Variants in CLSTN1 observed in about 807,000 individuals in gnomAD.
The protein encoded by CLSTN1 is calsyntenin 1.
CLSTN1 carries 28 observed loss-of-function variants against 108.3 expected under a neutral mutation model. The ratio of observed to expected loss-of-function variants is 0.26; its 90% CI spans 0.19 to 0.35. The LOEUF is 0.35. CLSTN1 is among the 10% of genes least tolerant of loss of function. The pLI is 1.00. For missense variants in CLSTN1, 1,157 were observed against 1,302.6 expected (o/e 0.89, Z 1.72); for synonymous variants, 524 against 534.9 (o/e 0.98, Z 0.28).
At chr1:9,813,660 G>C (rs1393782753) in intron 1 of CLSTN1, among the ~76,000 whole-genome samples, 3 of 152,142 alleles carry the variant, frequency 2.0e-5, no homozygotes, top group Non-Finnish European at 4.4e-5. Flanking sequence ...AGTGAGACTA[G>C]AGTCTGCATT....
At chr1:9,788,867 CAAAAAAAAAAAA>C (rs56093052) in intron 1 of CLSTN1, among the ~76,000 whole-genome samples, 5 of 76,278 alleles carry the variant, frequency 6.6e-5, no homozygotes, top group Non-Finnish European at 9.9e-5. Context: ...GACTCCGTCT[CAAAAAAAAAAAA>C]AAAAAAAAAC....
intron 1 of CLSTN1, among the ~76,000 whole-genome samples, chr1:9,784,172 CAA>C (rs34315931): frequency 3.5e-4 from 29 of 83,688 alleles, no homozygotes; most frequent in Non-Finnish European, 3.6e-4. Flanking sequence ...AACTCTATCT[CAA>C]AAAAAAAAAA....
At chr1:9,778,423 G>A (rs189422428) in intron 1 of CLSTN1, among the ~76,000 whole-genome samples, 60 of 152,246 alleles carry the variant, frequency 3.9e-4, no homozygotes, top group African/African-American at 1.4e-3. Flanking sequence ...TTCTCTCATG[G>A]AGAAGATAGC....
At position 9,794,068 on chromosome 1, in the gene CLSTN1, T is replaced by C. The variant is rs79563484; in HGVS notation, c.92-20674A>G. Among the ~76,000 whole-genome samples the C allele has an allele frequency of 6.8e-3, 1,029 of 151,564 alleles. 8 individuals carry two copies. Among genetic ancestry groups the C allele is most frequent in the Non-Finnish European group, 0.011 (740 of 68,024 alleles). On this transcript the variant is annotated intron_variant, in intron 1 of 18. Transcript: ENST00000377298. Reference sequence around the variant, plus strand: ...TAAACTAATTGGAGGGGGATGCTAATGACCGGTAATGACTTAAGGCACTCA... The same window carrying C: ...TAAACTAATTGGAGGGGGATGCTAACGACCGGTAATGACTTAAGGCACTCA...
Position 9,791,597 on chromosome 1 carries a change from C to G in CLSTN1, c.92-18203G>C, listed in dbSNP as rs573365575. Among the ~76,000 whole-genome samples the G allele has an allele frequency of 2.0e-5, 3 of 151,088 alleles. No homozygotes were observed. The East Asian group carries it at 6.1e-4, about 31-fold the overall frequency. ...CCCAGGCTGAAGCGCAGTGGCACAG[C>G]CTCAGCTCACTGCAACCTCCGCCTT... is the stretch of plus-strand genomic sequence containing the variant. On this transcript the variant is annotated intron_variant, in intron 1 of 18. Transcript: ENST00000377298.
intron 1 of CLSTN1, among the ~76,000 whole-genome samples, chr1:9,790,166 C>T (rs1328187927): frequency 6.6e-6 from 1 of 151,218 alleles, no homozygotes; most frequent in African/African-American, 2.4e-5. Context: ...CTCCGAATTC[C>T]GCTATGAAAG....
At chr1:9,780,043 T>C (rs562618656) in intron 1 of CLSTN1, among the ~76,000 whole-genome samples, 43 of 152,048 alleles carry the variant, frequency 2.8e-4, no homozygotes, top group African/African-American at 1.0e-3. Flanking sequence ...TAAGTAGAGA[T>C]GGGGTTTCAC....
chr1:9,751,510 G>A lies in CLSTN1; in HGVS notation c.612C>T (p.Ile204=). 1.2e-6 allele frequency: 2 copies of A among 1,614,160 alleles called. No individual in the cohort carries two copies. Among genetic ancestry groups the A allele is most frequent in the African/African-American group, 1.3e-5 (1 of 75,044 alleles). The change falls in exon 5 of 19, where the codon ATC becomes ATT. Residue 204 remains isoleucine (I), a synonymous_variant. Transcript: ENST00000377298. ...PQFSQICSYE[I]ITPDVPFTVD... ...CAGTAAAGGGCACGTCTGGAGTGAT[G>A]ATTTCGTAGCTGCAAATCTGGCTGA...
At chr1:9,792,619 G>C (rs1371980123) in intron 1 of CLSTN1, among the ~76,000 whole-genome samples, 1 of 151,420 alleles carries the variant, frequency 6.6e-6, no homozygotes, top group Non-Finnish European at 1.5e-5. Context: ...CGGGTGTCGG[G>C]AACCATGCCC....
intron 1 of CLSTN1, among the ~76,000 whole-genome samples, chr1:9,788,879 A>AC (rs1653626800): frequency 6.6e-6 from 1 of 151,216 alleles, no homozygotes; most frequent in African/African-American, 2.4e-5. Context: ...AAAAAAAAAA[A>AC]AAAAAAAAAC....
At chr1:9,759,255 T>C (rs1356450130) in intron 2 of CLSTN1, among the ~76,000 whole-genome samples, 1 of 152,238 alleles carries the variant, frequency 6.6e-6, no homozygotes, top group Non-Finnish European at 1.5e-5. Flanking sequence ...TACATGAATT[T>C]CAAATACAAA....
rs762002318 is a variant in CLSTN1, at chr1:9,749,922, G to A, written c.650-9C>T. On this transcript the variant is annotated splice_polypyrimidine_tract_variant and intron_variant, in intron 5 of 18. Transcript: ENST00000377298. ...TGTGTTTTTTATATAACCTTACAGAGGGCAAAAACAACAGTGAGAGCCAAA... is the reference window on the plus strand; with the variant it reads ...TGTGTTTTTTATATAACCTTACAGAAGGCAAAAACAACAGTGAGAGCCAAA... The A allele has an allele frequency of 8.1e-6, 13 of 1,609,688 alleles. No individual in the cohort carries two copies. In the Admixed American group the frequency reaches 1.0e-4, roughly 13 times the overall value.
chr1:9,758,646 TAAGA>T (rs1651930821), intron 2 of CLSTN1, among the ~76,000 whole-genome samples: 1 of 152,212 alleles, frequency 6.6e-6, no homozygotes, highest in South Asian at 2.1e-4. Flanking sequence ...TTTGTGTATC[TAAGA>T]TTTATTCATC....
At chr1:9,802,170 A>C (rs1654301159) in intron 1 of CLSTN1, among the ~76,000 whole-genome samples, 1 of 152,210 alleles carries the variant, frequency 6.6e-6, no homozygotes, top group African/African-American at 2.4e-5. Context: ...AGTTTAGTTC[A>C]GAGTTCATGC....
intron 1 of CLSTN1, among the ~76,000 whole-genome samples, chr1:9,811,973 TA>T (rs35714819): frequency 1.3e-5 from 2 of 151,888 alleles, no homozygotes; most frequent in Non-Finnish European, 2.9e-5. Context: ...CCATCTCTAC[TA>T]AAAATACAAA....
At chr1:9,820,470 G>A (rs1655150761) in intron 1 of CLSTN1, among the ~76,000 whole-genome samples, 1 of 152,062 alleles carries the variant, frequency 6.6e-6, no homozygotes. Flanking sequence ...AGTGAGACAA[G>A]ATCGCGCCAT....
At chr1:9,807,563 C>T (rs1462019303) in intron 1 of CLSTN1, among the ~76,000 whole-genome samples, 3 of 152,168 alleles carry the variant, frequency 2.0e-5, no homozygotes, top group South Asian at 4.1e-4. Flanking sequence ...CAGTTAAATT[C>T]TTTGATGAAA....
chr1:9,760,504 A>G (rs909749777), intron 2 of CLSTN1, among the ~76,000 whole-genome samples: 9 of 152,094 alleles, frequency 5.9e-5, no homozygotes, highest in African/African-American at 2.2e-4. Context: ...GGAGCAAGAC[A>G]GGGGCTACCA....
At chr1:9,792,915 G>A (rs1291502909) in intron 1 of CLSTN1, among the ~76,000 whole-genome samples, 1 of 151,322 alleles carries the variant, frequency 6.6e-6, no homozygotes, top group Non-Finnish European at 1.5e-5. Context: ...AGGGGGCAGG[G>A]GAAGAGACAG....
Sources: gnomAD v4.1 joint callset for allele counts (sites outside exome capture counted in the v4.1 genomes callset) on GRCh38, gnomAD v4.1.1 for gene constraint, MANE v1.5 for transcripts, NCBI Gene and HGNC (gene_info 2026-07-23, HGNC 2026-07-21) for gene names.